The following PLB1 variants were observed in gnomAD, a reference collection of about 807,000 sequenced individuals.
PLB1 encodes the protein phospholipase B1, membrane-associated.
PLB1 carries 242 observed loss-of-function variants against 227.4 expected under a neutral mutation model. The ratio of observed to expected loss-of-function variants is 1.06; its 90% CI spans 0.96 to 1.18. The LOEUF (loss-of-function observed/expected upper bound fraction) is 1.18. Among genes scored for constraint, PLB1 ranks in the 50% most tolerant of loss-of-function variants. The probability of loss-of-function intolerance (pLI) is 0.00; values close to 1 mark genes in which losing one functional copy is unlikely to be tolerated. For missense variants in PLB1, 1,858 were observed against 1,816.3 expected, an observed-to-expected ratio of 1.02 and a Z score of -0.42; for synonymous variants, 757 against 682.2, an observed-to-expected ratio of 1.11 and a Z score of -1.71.
At chr2:28,582,608 A>T in intron 25 of PLB1, 103 bp downstream of exon 25, 1 of 876,818 alleles carries the variant, frequency 1.1e-6, no homozygotes, top group Non-Finnish European at 1.8e-6. Flanking sequence ...GAAGTGTGAA[A>T]GGGCTGTGAC....
chr2:28,626,669 G>A (rs2148334077), intron 51 of PLB1, 161 bp downstream of exon 51: 1 of 667,466 alleles, frequency 1.5e-6, no homozygotes, highest in Non-Finnish European at 2.6e-6. Context: ...TGCCAGGCAA[G>A]GCCCAGCCTT....
intron 4 of PLB1, among the ~76,000 whole-genome samples, chr2:28,520,658 T>C (rs1669408446): frequency 6.6e-6 from 1 of 151,458 alleles, no homozygotes; most frequent in Admixed American, 6.6e-5. Flanking sequence ...CTCTCTGTTT[T>C]GGCAGTTCTA....
At chr2:28,636,117 G>A (rs1689332177) in intron 56 of PLB1, among the ~76,000 whole-genome samples, 1 of 152,164 alleles carries the variant, frequency 6.6e-6, no homozygotes, top group African/African-American at 2.4e-5. Context: ...GGAGAGCAAT[G>A]GCACCATCTC....
chr2:28,604,866 C>A, intron 41 of PLB1, 107 bp downstream of exon 41: 2 of 1,007,698 alleles, frequency 2.0e-6, no homozygotes, highest in Non-Finnish European at 3.0e-6. Context: ...AGACACAGCT[C>A]TCCAGACGCT....
chr2:28,583,983 C>T (rs1264041903), intron 25 of PLB1, among the ~76,000 whole-genome samples: 1 of 152,164 alleles, frequency 6.6e-6, no homozygotes, highest in African/African-American at 2.4e-5. Context: ...GAACGTTTTC[C>T]GCAGCCTTCC....
chr2:28,563,184 G>T (rs1676324933), intron 18 of PLB1, 85 bp downstream of exon 18: 5 of 1,364,916 alleles, frequency 3.7e-6, no homozygotes, highest in Admixed American at 1.8e-5. Flanking sequence ...GAGAGAGAAG[G>T]TCTCACGCCT....
chr2:28,564,636 GC>G (rs1283368148), intron 18 of PLB1, among the ~76,000 whole-genome samples: 2 of 152,184 alleles, frequency 1.3e-5, no homozygotes, highest in African/African-American at 4.8e-5. Flanking sequence ...AACCTGCCTG[GC>G]AGGTAGCAAA....
intron 1 of PLB1, among the ~76,000 whole-genome samples, chr2:28,515,162 G>C (rs1415857638): frequency 4.6e-5 from 7 of 152,164 alleles, no homozygotes; most frequent in Non-Finnish European, 1.0e-4. Flanking sequence ...TTTTATCCTG[G>C]CTTAGAAAGA....
In PLB1 at chr2:28,507,388, T is replaced by C. The variant is rs541336470; in HGVS notation, c.56-9420T>C. Among the ~76,000 whole-genome samples, 131 of 152,284 alleles carry C rather than the reference T, an allele frequency of 8.6e-4. 1 individual carries two copies. The highest frequency in any genetic ancestry group is 3.2e-3 in the African/African-American group (131 of 41,564). On this transcript the variant is annotated intron_variant, in intron 1 of 57. Coordinates refer to ENST00000327757, the MANE Select transcript of PLB1 (RefSeq NM_153021.5). ...GCATCTGGTGAGGGCCCTCTTGCTG[T>C]GCCATCCCATGACAGAAGGCAAAAT...
At chr2:28,570,778 T>C (rs1677881135) in intron 20 of PLB1, among the ~76,000 whole-genome samples, 1 of 152,186 alleles carries the variant, frequency 6.6e-6, no homozygotes, top group Non-Finnish European at 1.5e-5. Flanking sequence ...AGAGTAAGAC[T>C]GTCTCTAAAT....
In PLB1 at chr2:28,589,678, G is replaced by A; in HGVS notation, c.1924G>A (p.Gly642Arg). 6.2e-7 allele frequency: 1 copy of A among 1,614,076 alleles called. No individual in the cohort carries two copies. The highest frequency in any genetic ancestry group is 8.5e-7 in the Non-Finnish European group (1 of 1,179,968). Reference sequence around the variant, plus strand: ...TCTTTTTCTGCCCGGTGACCAGGAAGGATTGCCTGACAACTCTTTCTTCGC... The same window carrying A: ...TCTTTTTCTGCCCGGTGACCAGGAAAGATTGCCTGACAACTCTTTCTTCGC... ...ENVDMPKTSE[G>R]LPDNSFFAPD... The change falls in exon 28 of 58, where the codon GGA becomes AGA. Residue 642 changes from glycine to arginine, a missense_variant. Physicochemically the swap from Gly to Arg is moderately radical, Grantham distance 125 (BLOSUM62 -2). Transcript: ENST00000327757.
chr2:28,577,973 G>A lies in PLB1; in HGVS notation c.1434-134G>A, dbSNP rs151153896. 7.3e-4 allele frequency: 600 copies of A among 817,850 alleles called. 3 individuals carry two copies. Among genetic ancestry groups the A allele is most frequent in the African/African-American group, 7.0e-3 (415 of 59,284 alleles). 50.7% of individuals were successfully genotyped at this position (817,850 alleles called of 1,614,324 possible). A position where few individuals can be genotyped will look rare whatever the true frequency, so the allele number is the denominator to read the frequency against. On this transcript the variant is annotated intron_variant, in intron 21 of 57. Transcript: ENST00000327757. ...GAATGGGGAAGAAGCTCTGCGACAC[G>A]GCCTTCAGTCCATTTTCCTGCAGGA...
Position 28,580,247 on chromosome 2 carries a change from G to A in PLB1, c.1566+540G>A, listed in dbSNP as rs183371810. Among the ~76,000 whole-genome samples, 837 of 152,346 alleles carry A rather than the reference G, an allele frequency of 5.5e-3. 11 individuals are homozygous for A. The highest frequency in any genetic ancestry group is 6.8e-3 in the Non-Finnish European group (461 of 68,032). On this transcript the variant is annotated intron_variant, in intron 23 of 57. Coordinates refer to ENST00000327757, the MANE Select transcript of PLB1 (RefSeq NM_153021.5). ...GAAGCCTGACAGGGCATACCCACTA[G>A]TCTCCCACCCACGCCTATGCCAGGA...
chr2:28,598,573 C>CT, intron 34 of PLB1, 79 bp from the exon 35 acceptor site: 1 of 1,149,622 alleles, frequency 8.7e-7, no homozygotes, highest in Non-Finnish European at 1.3e-6. Flanking sequence ...ACTTTGGGGA[C>CT]CTAGGTCCCA....
intron 1 of PLB1, among the ~76,000 whole-genome samples, chr2:28,514,438 T>C (rs1668610334): frequency 6.6e-6 from 1 of 152,238 alleles, no homozygotes; most frequent in African/African-American, 2.4e-5. Flanking sequence ...CCTCTTAATA[T>C]AAATTTTAGA....
chr2:28,582,221 A>G, intron 24 of PLB1, 88 bp downstream of exon 24: 1 of 1,468,176 alleles, frequency 6.8e-7, no homozygotes, highest in Non-Finnish European at 9.5e-7. Context: ...CCTCCTTGGC[A>G]GGTCACCTTT....
intron 14 of PLB1, among the ~76,000 whole-genome samples, chr2:28,546,084 G>T (rs1249255725): frequency 6.6e-6 from 1 of 152,144 alleles, no homozygotes; most frequent in Non-Finnish European, 1.5e-5. Context: ...CATGGGAGGT[G>T]ACAGCAGCCC....
At chr2:28,638,044 T>C (rs866962527) in intron 56 of PLB1, among the ~76,000 whole-genome samples, 6 of 152,010 alleles carry the variant, frequency 3.9e-5, no homozygotes, top group Non-Finnish European at 8.8e-5. Flanking sequence ...ATCAAACAAG[T>C]ATTTACTGAG....
intron 47 of PLB1, 83 bp downstream of exon 47, chr2:28,620,415 G>A: frequency 7.1e-7 from 1 of 1,408,152 alleles, no homozygotes. Flanking sequence ...ACCCCTCCAG[G>A]GATGCAGTTG....
Sources: allele counts gnomAD v4.1 joint callset (sites outside exome capture counted in the v4.1 genomes callset), GRCh38; gene constraint gnomAD v4.1.1; transcripts MANE v1.5; gene names NCBI Gene and HGNC (gene_info 2026-07-23, HGNC 2026-07-21).